The following ZC3H12B variants were observed in gnomAD, a reference collection of about 807,000 sequenced individuals.
ZC3H12B encodes the protein zinc finger CCCH-type containing 12B.
Under a neutral mutation model 43.9 loss-of-function variants are expected in ZC3H12B, and 7 were observed. The ratio of observed to expected loss-of-function variants is 0.16; its 90% confidence interval spans 0.09 to 0.30. ZC3H12B has a LOEUF of 0.30. Among genes scored for constraint, ZC3H12B ranks in the 10% least tolerant of loss-of-function variants. The pLI is 1.00. For synonymous variants in ZC3H12B, 222 were observed against 241.7 expected (o/e 0.92, Z 0.76); for missense variants, 475 against 670.2 (o/e 0.71, Z 3.22).
At chrX:65,256,953 G>A in the ZC3H12B span, among the ~76,000 whole-genome samples, 3 of 111,918 alleles carry the variant, frequency 2.7e-5, no homozygotes, top group Admixed American at 1.9e-4. Flanking sequence ...TCAGGAAACA[G>A]CAGGTGCTGG....
the ZC3H12B span, among the ~76,000 whole-genome samples, chrX:65,079,544 G>A: frequency 8.9e-6 from 1 of 112,456 alleles, no homozygotes; most frequent in Admixed American, 9.4e-5. Flanking sequence ...GAGACTCTGT[G>A]TGGGAGAAAG....
intron 2 of ZC3H12B, among the ~76,000 whole-genome samples, chrX:65,382,972 G>A (rs2148012488): frequency 9.0e-6 from 1 of 111,163 alleles, no homozygotes; most frequent in South Asian, 3.8e-4. Context: ...ACAAATGGAA[G>A]AACATTCCAT....
At chrX:65,324,889 G>A in the ZC3H12B span, among the ~76,000 whole-genome samples, 2 of 109,984 alleles carry the variant, frequency 1.8e-5, no homozygotes, top group African/African-American at 6.6e-5. Context: ...ATAGAAAGTA[G>A]GGTATTTAAG....
intron 3 of ZC3H12B, among the ~76,000 whole-genome samples, chrX:65,453,777 G>C (rs1310090868): frequency 9.0e-6 from 1 of 110,952 alleles, no homozygotes; most frequent in Non-Finnish European, 1.9e-5. Context: ...AACCTGGATG[G>C]AATTAGAAAC....
chrX:65,399,923 C>G (rs2066744020), intron 3 of ZC3H12B, among the ~76,000 whole-genome samples: 1 of 110,959 alleles, frequency 9.0e-6, no homozygotes, highest in African/African-American at 3.3e-5. Flanking sequence ...TAAAATAAGC[C>G]AGGCAGAAAG....
the ZC3H12B span, among the ~76,000 whole-genome samples, chrX:65,160,508 G>C: frequency 9.0e-6 from 1 of 111,670 alleles, no homozygotes; most frequent in Non-Finnish European, 1.9e-5. Flanking sequence ...ATGTGTCGAG[G>C]AATTTATCCA....
chrX:65,464,507 C>CT (rs750629279), intron 3 of ZC3H12B, among the ~76,000 whole-genome samples: 1 of 109,952 alleles, frequency 9.1e-6, no homozygotes, highest in South Asian at 3.8e-4. Flanking sequence ...TTTATGTCTC[C>CT]TTTTTTTTAA....
the ZC3H12B span, among the ~76,000 whole-genome samples, chrX:65,145,674 T>C: frequency 9.0e-6 from 1 of 111,562 alleles, no homozygotes; most frequent in Non-Finnish European, 1.9e-5. Flanking sequence ...GTAGTGCTGG[T>C]TTGGTAGTGC....
chrX:65,259,494 A>C, the ZC3H12B span, among the ~76,000 whole-genome samples: 2 of 112,076 alleles, frequency 1.8e-5, no homozygotes, highest in Non-Finnish European at 3.8e-5. Flanking sequence ...CTCTGGATAT[A>C]GGACCTACCA....
chrX:65,099,781 C>T, the ZC3H12B span, among the ~76,000 whole-genome samples: 7 of 111,254 alleles, frequency 6.3e-5, no homozygotes, highest in East Asian at 2.8e-4. Flanking sequence ...GAGGAAAAAC[C>T]GGCCCAAAAA....
intron 3 of ZC3H12B, among the ~76,000 whole-genome samples, chrX:65,422,973 C>T (rs1379995126): frequency 2.5e-5 from 2 of 80,093 alleles, no homozygotes; most frequent in East Asian, 3.8e-4. Flanking sequence ...CACTGTGTTG[C>T]CTAGGCTGGA....
the ZC3H12B span, among the ~76,000 whole-genome samples, chrX:65,225,217 C>T: frequency 2.7e-5 from 3 of 112,225 alleles, no homozygotes; most frequent in South Asian, 3.7e-4. Flanking sequence ...TCGCGGTTCA[C>T]GAAAATCTGC....
At chrX:65,330,815 A>G in the ZC3H12B span, 2 of 160,466 alleles carry the variant, frequency 1.2e-5, no homozygotes, top group East Asian at 1.8e-4. Context: ...CCAGTATTTT[A>G]TCTACCCAGG....
At chrX:65,431,760 A>G (rs1161960240) in intron 3 of ZC3H12B, among the ~76,000 whole-genome samples, 1 of 112,206 alleles carries the variant, frequency 8.9e-6, no homozygotes, top group Non-Finnish European at 1.9e-5. Context: ...GTCCCTGATT[A>G]TCTCACCAAA....
chrX:65,304,623 AAAAAAAC>A, the ZC3H12B span, among the ~76,000 whole-genome samples: 27 of 110,461 alleles, frequency 2.4e-4, no homozygotes, highest in Admixed American at 4.8e-4. Context: ...CTCAAAAAAA[AAAAAAAC>A]AAAAAACAAA....
chrX:65,488,117 C>T (rs1011602901), upstream of ZC3H12B, among the ~76,000 whole-genome samples: 1 of 110,706 alleles, frequency 9.0e-6, no homozygotes, highest in Non-Finnish European at 1.9e-5. Context: ...GTGATCCGCC[C>T]GCCTCGGCCT....
chrX:65,349,891 A>T, the ZC3H12B span, among the ~76,000 whole-genome samples: 1 of 111,666 alleles, frequency 9.0e-6, no homozygotes, highest in African/African-American at 3.3e-5. Flanking sequence ...AAGTCCAGGA[A>T]CAACATATGG....
At chrX:65,440,563 C>T (rs912937954) in intron 3 of ZC3H12B, among the ~76,000 whole-genome samples, 16 of 112,371 alleles carry the variant, frequency 1.4e-4, no homozygotes, top group African/African-American at 4.5e-4. Flanking sequence ...ACAATAAAAA[C>T]GCTTAGCAGG....
chrX:65,228,467 C>G, the ZC3H12B span, among the ~76,000 whole-genome samples: 45 of 111,075 alleles, frequency 4.1e-4, no homozygotes, highest in African/African-American at 1.3e-3. Flanking sequence ...CCTTTGAAAA[C>G]TGGCACAAGA....
Sources: allele counts gnomAD v4.1 joint callset (sites outside exome capture counted in the v4.1 genomes callset), GRCh38; gene constraint gnomAD v4.1.1; transcripts MANE v1.5; gene names NCBI Gene and HGNC (gene_info 2026-07-23, HGNC 2026-07-21).